FBXL7: variants seen among roughly 807,000 people sequenced by gnomAD.
FBXL7 encodes the protein F-box/LRR-repeat protein 7.
FBXL7 carries 12 observed loss-of-function variants against 38.3 expected under a neutral mutation model. That is an observed-to-expected ratio of 0.31 (90% CI 0.20 to 0.51). The LOEUF (loss-of-function observed/expected upper bound fraction) is 0.51, where lower values mean the gene tolerates loss of function less well. FBXL7 is among the 20% of genes least tolerant of loss of function. The probability of loss-of-function intolerance (pLI) is 0.98; values close to 1 mark genes in which losing one functional copy is unlikely to be tolerated. For missense variants in FBXL7, 567 were observed against 676.4 expected (o/e 0.84, Z 1.79); for synonymous variants, 297 against 300.9 (o/e 0.99, Z 0.13).
intron 1 of FBXL7, among the ~76,000 whole-genome samples, chr5:15,583,387 C>G (rs1739206139): frequency 6.6e-6 from 1 of 152,174 alleles, no homozygotes; most frequent in Non-Finnish European, 1.5e-5. Flanking sequence ...AGCATTAATT[C>G]AAAAGTCCAC....
Position 15,734,336 on chromosome 5 carries a change from G to C in FBXL7, c.127+118264G>C, listed in dbSNP as rs149999065. Among the ~76,000 whole-genome samples the C allele has an allele frequency of 2.6e-3, 389 of 152,336 alleles. 2 individuals are homozygous for C. The highest frequency in any genetic ancestry group is 4.2e-3 in the Admixed American group (65 of 15,310). On this transcript the variant is annotated intron_variant, in intron 2 of 3. Coordinates refer to ENST00000504595, the MANE Select transcript of FBXL7 (RefSeq NM_012304.5). ...ATGGGACCTCAGTGAGGCACATACT[G>C]CTCCTCTGGGGCTGGCGATCACAAG... is the stretch of plus-strand genomic sequence containing the variant.
chr5:15,739,471 C>T (rs948417084), intron 2 of FBXL7, among the ~76,000 whole-genome samples: 5 of 152,166 alleles, frequency 3.3e-5, no homozygotes, highest in South Asian at 2.1e-4. Context: ...ATTGTACAAC[C>T]GTCACCACAA....
intron 1 of FBXL7, among the ~76,000 whole-genome samples, chr5:15,526,881 T>G (rs1737264157): frequency 6.6e-6 from 1 of 152,152 alleles, no homozygotes; most frequent in African/African-American, 2.4e-5. Flanking sequence ...ATTTTGGCCT[T>G]CCTAGAAAGT....
At chr5:15,840,272 T>C (rs1019924483) in intron 2 of FBXL7, among the ~76,000 whole-genome samples, 2 of 152,184 alleles carry the variant, frequency 1.3e-5, no homozygotes, top group Non-Finnish European at 2.9e-5. Flanking sequence ...CACTGATCTA[T>C]TTTTCTATCC....
chr5:15,664,664 G>T (rs1167166467), intron 2 of FBXL7, among the ~76,000 whole-genome samples: 3 of 151,486 alleles, frequency 2.0e-5, no homozygotes, highest in African/African-American at 7.3e-5. Context: ...TGGAGACAGG[G>T]TTTCACTATG....
At chr5:15,918,813 G>T (rs1468407164) in intron 2 of FBXL7, among the ~76,000 whole-genome samples, 1 of 152,192 alleles carries the variant, frequency 6.6e-6, no homozygotes, top group Admixed American at 6.5e-5. Flanking sequence ...CTGATCCTGG[G>T]GGGTACCAAC....
chr5:15,564,378 CTGTGTGTGTGTGTG>C (rs33993480), intron 1 of FBXL7, among the ~76,000 whole-genome samples: 9 of 147,504 alleles, frequency 6.1e-5, no homozygotes, highest in East Asian at 2.0e-4. Flanking sequence ...TCAGTAATAT[CTGTGTGTGTGTGTG>C]TGTGTGTGTG....
intron 1 of FBXL7, among the ~76,000 whole-genome samples, chr5:15,543,456 A>G (rs896368791): frequency 6.6e-6 from 1 of 152,224 alleles, no homozygotes; most frequent in African/African-American, 2.4e-5. Flanking sequence ...GATTTTGGCC[A>G]GGTCATATCA....
intron 2 of FBXL7, among the ~76,000 whole-genome samples, chr5:15,801,988 T>C (rs530756190): frequency 1.9e-4 from 29 of 152,016 alleles, no homozygotes; most frequent in Non-Finnish European, 4.1e-4. Flanking sequence ...TGATGGGGTA[T>C]TGCTCACCTC....
At chr5:15,622,003 T>C (rs1488906478) in intron 2 of FBXL7, among the ~76,000 whole-genome samples, 1 of 152,170 alleles carries the variant, frequency 6.6e-6, no homozygotes, top group African/African-American at 2.4e-5. Context: ...GAAACAGTTA[T>C]TGTCAAGGAA....
At chr5:15,748,957 A>G (rs986164732) in intron 2 of FBXL7, among the ~76,000 whole-genome samples, 1 of 152,126 alleles carries the variant, frequency 6.6e-6, no homozygotes, top group African/African-American at 2.4e-5. Context: ...TAAGATTTCA[A>G]CAGTTAGCCT....
chr5:15,530,407 G>A (rs977080126), intron 1 of FBXL7, among the ~76,000 whole-genome samples: 1 of 152,062 alleles, frequency 6.6e-6, no homozygotes, highest in African/African-American at 2.4e-5. Context: ...GTACATATTT[G>A]TCTAGAGAAT....
chr5:15,674,025 A>G (rs1006272150), intron 2 of FBXL7, among the ~76,000 whole-genome samples: 3 of 152,236 alleles, frequency 2.0e-5, no homozygotes, highest in African/African-American at 7.2e-5. Flanking sequence ...ATAGAGGGAA[A>G]ACTAAGTATA....
At chr5:15,757,068 C>A (rs748790231) in intron 2 of FBXL7, among the ~76,000 whole-genome samples, 3 of 152,098 alleles carry the variant, frequency 2.0e-5, no homozygotes, top group Non-Finnish European at 4.4e-5. Flanking sequence ...CTACAAAAAA[C>A]ATAAATGGTG....
intron 2 of FBXL7, among the ~76,000 whole-genome samples, chr5:15,688,521 A>G (rs985612608): frequency 6.6e-6 from 1 of 152,066 alleles, no homozygotes; most frequent in Non-Finnish European, 1.5e-5. Flanking sequence ...GGTAACTCCA[A>G]CCATTCTCTT....
intron 2 of FBXL7, among the ~76,000 whole-genome samples, chr5:15,689,726 TCAG>T (rs1482821848): frequency 6.6e-6 from 1 of 152,210 alleles, no homozygotes; most frequent in Non-Finnish European, 1.5e-5. Context: ...AGTAAATTAA[TCAG>T]AGTTGCTCAC....
chr5:15,610,150 G>C (rs71595941), intron 1 of FBXL7, among the ~76,000 whole-genome samples: 4,442 of 152,188 alleles, frequency 0.029, 85 homozygotes, highest in Non-Finnish European at 0.043. Flanking sequence ...TCCCACCAGG[G>C]GTCCCTCCCA....
chr5:15,867,531 T>C (rs72736136), intron 2 of FBXL7, among the ~76,000 whole-genome samples: 1,929 of 152,324 alleles, frequency 0.013, 25 homozygotes, highest in Non-Finnish European at 0.02. Context: ...TTTCCCAAAA[T>C]GCCCCTCTGG....
intron 2 of FBXL7, among the ~76,000 whole-genome samples, chr5:15,677,633 AT>A (rs1280285844): frequency 6.6e-6 from 1 of 151,114 alleles, no homozygotes; most frequent in African/African-American, 2.4e-5. Context: ...ACTAACTGTA[AT>A]TTCTCAGTGA....
Sources: gnomAD v4.1 joint callset for allele counts (sites outside exome capture counted in the v4.1 genomes callset) on GRCh38, gnomAD v4.1.1 for gene constraint, MANE v1.5 for transcripts, NCBI Gene and HGNC (gene_info 2026-07-23, HGNC 2026-07-21) for gene names.